DOCK3: variants seen among roughly 807,000 people sequenced by gnomAD.
DOCK3 encodes the protein dedicator of cytokinesis protein 3.
Under a neutral mutation model 265.6 loss-of-function variants are expected in DOCK3, and 60 were observed. That is an observed-to-expected ratio of 0.23 (90% CI 0.18 to 0.28). DOCK3 has a LOEUF of 0.28. Ranked by LOEUF, DOCK3 falls within the 10% of genes least tolerant of loss-of-function variation. The pLI, the probability that DOCK3 is intolerant of heterozygous loss-of-function variation, is 1.00. For missense variants in DOCK3, 1,981 were observed against 2,594.3 expected (o/e 0.76, Z 5.14); for synonymous variants, 881 against 938.0 (o/e 0.94, Z 1.11).
chr3:51,362,775 T>A (rs1012045852), intron 49 of DOCK3, 101 bp downstream of exon 49: 1 of 1,466,666 alleles, frequency 6.8e-7, no homozygotes, highest in Non-Finnish European at 9.1e-7. Flanking sequence ...AGCAGCCCTG[T>A]GACTTAGAGA....
intron 35 of DOCK3, among the ~76,000 whole-genome samples, chr3:51,335,621 C>A (rs971649738): frequency 6.6e-6 from 1 of 152,208 alleles, no homozygotes. Flanking sequence ...GAGTGATAAA[C>A]TTGTTGGAAA....
intron 4 of DOCK3, among the ~76,000 whole-genome samples, chr3:50,902,771 T>C (rs979670084): frequency 2.0e-5 from 3 of 152,224 alleles, no homozygotes; most frequent in African/African-American, 4.8e-5. Context: ...TTGGGCAGTA[T>C]GGCCATTTTC....
At chr3:51,121,999 A>G (rs1181111197) in intron 9 of DOCK3, among the ~76,000 whole-genome samples, 1 of 152,228 alleles carries the variant, frequency 6.6e-6, no homozygotes, top group African/African-American at 2.4e-5. Context: ...CATGGACTCC[A>G]GAAGCCCAAG....
At chr3:50,964,166 A>G (rs1239480450) in intron 5 of DOCK3, among the ~76,000 whole-genome samples, 1 of 152,340 alleles carries the variant, frequency 6.6e-6, no homozygotes, top group African/African-American at 2.4e-5. Context: ...AGCACTGTAA[A>G]TCATAAAACA....
chr3:50,804,555 G>A (rs896097860), intron 2 of DOCK3, among the ~76,000 whole-genome samples: 6 of 152,146 alleles, frequency 3.9e-5, no homozygotes, highest in Non-Finnish European at 5.9e-5. Flanking sequence ...CGGCTAACAC[G>A]GCGAAACCCC....
intron 4 of DOCK3, among the ~76,000 whole-genome samples, chr3:50,927,696 T>G (rs1456881160): frequency 6.6e-6 from 1 of 152,238 alleles, no homozygotes; most frequent in Non-Finnish European, 1.5e-5. Context: ...TTTCCTTTTC[T>G]AAGTCTGGGT....
At chr3:51,357,929 TCA>T in intron 45 of DOCK3, 30 bp from the exon 46 acceptor site, 1 of 1,612,772 alleles carries the variant, frequency 6.2e-7, no homozygotes, top group Non-Finnish European at 8.5e-7. Context: ...TACTCATGGT[TCA>T]CAGAGTGGCC....
At chr3:51,292,088 T>C (rs1361491611) in intron 27 of DOCK3, among the ~76,000 whole-genome samples, 1 of 151,522 alleles carries the variant, frequency 6.6e-6, no homozygotes, top group Non-Finnish European at 1.5e-5. Context: ...GAAAGAATGT[T>C]CTTCAAAACA....
rs80227881 is a variant in DOCK3, at chr3:51,112,659, G to A, written c.746+22275G>A. On this transcript the variant is annotated intron_variant, in intron 9 of 52. Coordinates refer to ENST00000266037, the MANE Select transcript of DOCK3 (RefSeq NM_004947.5). ...ACATTCAAGAGACTTGTTTTTAGAGGTATGTGAAGTGGGAGGGGCGACTGT... is the reference window on the plus strand; with the variant it reads ...ACATTCAAGAGACTTGTTTTTAGAGATATGTGAAGTGGGAGGGGCGACTGT... 1.5e-4 allele frequency among the ~76,000 whole-genome samples: 23 copies of A among 152,312 alleles called. No homozygotes were observed. The East Asian group carries it at 4.2e-3, about 28-fold the overall frequency.
At chr3:51,338,739 G>T (rs1162407093) in intron 36 of DOCK3, among the ~76,000 whole-genome samples, 196 bp from the exon 37 acceptor site, 3 of 152,116 alleles carry the variant, frequency 2.0e-5, no homozygotes, top group Non-Finnish European at 4.4e-5. Flanking sequence ...ACTACCCAGG[G>T]CTCCCATAGA....
chr3:51,269,559 A>G (rs187165756), intron 23 of DOCK3, among the ~76,000 whole-genome samples: 17 of 152,332 alleles, frequency 1.1e-4, no homozygotes, highest in Middle Eastern at 3.4e-3. Flanking sequence ...TTTCCATGGC[A>G]TAAATTTTCA....
intron 3 of DOCK3, among the ~76,000 whole-genome samples, chr3:50,848,597 A>G (rs1314582882): frequency 6.6e-6 from 1 of 152,194 alleles, no homozygotes. Context: ...CTTTTCTTTA[A>G]GAATGCCTAA....
chr3:50,987,693 G>A lies in DOCK3; in HGVS notation c.315+53616G>A, dbSNP rs181429960. 3.0e-3 allele frequency among the ~76,000 whole-genome samples: 452 copies of A among 152,286 alleles called. 3 individuals carry two copies. The highest frequency in any genetic ancestry group is 5.6e-3 in the South Asian group (27 of 4,824). On this transcript the variant is annotated intron_variant, in intron 5 of 52. Transcript: ENST00000266037. ...TCAAGGAAACAATTTGACGCATGGA[G>A]AACGAAGAAAAGGCAGGATGGTGGC...
intron 5 of DOCK3, among the ~76,000 whole-genome samples, chr3:51,027,377 G>C (rs1046073274): frequency 6.6e-6 from 1 of 151,936 alleles, no homozygotes; most frequent in Non-Finnish European, 1.5e-5. Context: ...TGAGCATGTG[G>C]TCAATCTTAG....
chr3:51,297,643 G>C (rs1333008859), intron 27 of DOCK3, among the ~76,000 whole-genome samples: 1 of 152,002 alleles, frequency 6.6e-6, no homozygotes, highest in East Asian at 1.9e-4. Flanking sequence ...TTCACACTGA[G>C]AGTAGACATA....
At chr3:51,040,608 C>G (rs2080444305) in intron 5 of DOCK3, among the ~76,000 whole-genome samples, 2 of 152,056 alleles carry the variant, frequency 1.3e-5, no homozygotes, top group African/African-American at 4.8e-5. Flanking sequence ...TTGACTGTTC[C>G]TTTCATGAAA....
intron 1 of DOCK3, among the ~76,000 whole-genome samples, chr3:50,717,846 A>C (rs1438792262): frequency 6.6e-6 from 1 of 152,076 alleles, no homozygotes; most frequent in Non-Finnish European, 1.5e-5. Context: ...GCTGGTCTCG[A>C]ACTCCTGGCT....
intron 5 of DOCK3, among the ~76,000 whole-genome samples, chr3:51,017,016 C>A (rs1376514841): frequency 1.4e-5 from 2 of 141,152 alleles, no homozygotes; most frequent in Non-Finnish European, 3.0e-5. Flanking sequence ...AGTGTCCTTT[C>A]TTTGCTGGGA....
intron 5 of DOCK3, among the ~76,000 whole-genome samples, chr3:50,959,721 A>G (rs1020036019): frequency 6.6e-6 from 1 of 152,044 alleles, no homozygotes; most frequent in East Asian, 1.9e-4. Flanking sequence ...CTGAGACTAC[A>G]GGTGCCCGCC....
Sources: gnomAD v4.1 joint callset for allele counts (sites outside exome capture counted in the v4.1 genomes callset) on GRCh38, gnomAD v4.1.1 for gene constraint, MANE v1.5 for transcripts, NCBI Gene and HGNC (gene_info 2026-07-23, HGNC 2026-07-21) for gene names.